Variants in SYNDIG1 observed in about 807,000 individuals in gnomAD.
SYNDIG1 encodes synapse differentiation-inducing gene protein 1.
In SYNDIG1, 9 loss-of-function variants were observed where a neutral mutation model predicts 19.4. That is an observed-to-expected ratio of 0.46 (90% confidence interval 0.28 to 0.81). The LOEUF (loss-of-function observed/expected upper bound fraction) is 0.81. SYNDIG1 is among the 30% of genes least tolerant of loss of function. The pLI, the probability that SYNDIG1 is intolerant of heterozygous loss-of-function variation, is 0.12. For missense variants in SYNDIG1, 311 were observed against 343.3 expected (o/e 0.91, Z 0.74); for synonymous variants, 141 against 145.9 (o/e 0.97, Z 0.24).
Position 24,531,607 on chromosome 20 carries a change from CTAT to C in SYNDIG1, c.-78-11410_-78-11408del, listed in dbSNP as rs1344138126. On this transcript the variant is annotated intron_variant, in intron 1 of 3. Transcript: ENST00000376862. ...AGCCAATTCCTCAGAGCAAAACCAT[CTAT>C]TAAACATTAGAGACAATTTTGAAAA... 4.7e-5 allele frequency among the ~76,000 whole-genome samples: 7 copies of C among 147,376 alleles called. No individual in the cohort carries two copies. In the East Asian group the frequency reaches 1.2e-3, roughly 26 times the overall value.
chr20:24,627,121 C>A (rs1325849192), intron 3 of SYNDIG1, among the ~76,000 whole-genome samples: 2 of 92,926 alleles, frequency 2.2e-5, no homozygotes, highest in East Asian at 4.6e-4. Context: ...AGAGGGGGAC[C>A]GTGGGGAGAG....
chr20:24,504,201 G>T (rs1404174286), intron 1 of SYNDIG1, among the ~76,000 whole-genome samples: 1 of 152,058 alleles, frequency 6.6e-6, no homozygotes, highest in African/African-American at 2.4e-5. Context: ...CTCGTGATCC[G>T]CCCGCCTCGG....
chr20:24,581,291 G>T (rs2058318431), intron 2 of SYNDIG1, among the ~76,000 whole-genome samples: 1 of 152,156 alleles, frequency 6.6e-6, no homozygotes, highest in African/African-American at 2.4e-5. Flanking sequence ...CAATGACAAT[G>T]AAGATAGTAA....
chr20:24,477,411 G>T (rs1174760898), intron 1 of SYNDIG1, among the ~76,000 whole-genome samples: 1 of 151,916 alleles, frequency 6.6e-6, no homozygotes, highest in African/African-American at 2.4e-5. Context: ...GCATCCCATT[G>T]ATTGTCTTCA....
intron 2 of SYNDIG1, among the ~76,000 whole-genome samples, chr20:24,562,463 A>T (rs751085878): frequency 3.3e-5 from 5 of 152,230 alleles, no homozygotes; most frequent in Non-Finnish European, 5.9e-5. Context: ...TAAATGTGTC[A>T]CTCAAGGCAT....
chr20:24,562,208 T>C (rs2146885977), intron 2 of SYNDIG1, among the ~76,000 whole-genome samples: 1 of 152,356 alleles, frequency 6.6e-6, no homozygotes, highest in Admixed American at 6.5e-5. Flanking sequence ...TTGCATCTCA[T>C]TTTGTGCTGC....
chr20:24,546,225 G>A (rs180700622), intron 2 of SYNDIG1, among the ~76,000 whole-genome samples: 47 of 152,326 alleles, frequency 3.1e-4, no homozygotes, highest in African/African-American at 6.3e-4. Flanking sequence ...AAATACTAAT[G>A]ACTGGTTAGA....
At chr20:24,482,662 C>T (rs2055832477) in intron 1 of SYNDIG1, among the ~76,000 whole-genome samples, 1 of 152,106 alleles carries the variant, frequency 6.6e-6, no homozygotes, top group Non-Finnish European at 1.5e-5. Flanking sequence ...AAACTAAATG[C>T]CTGTCAAAAG....
At chr20:24,475,172 T>G (rs1174916638) in intron 1 of SYNDIG1, among the ~76,000 whole-genome samples, 1 of 152,218 alleles carries the variant, frequency 6.6e-6, no homozygotes, top group Non-Finnish European at 1.5e-5. Context: ...GGGTCTGAGA[T>G]GCAGGAGTTT....
At chr20:24,483,285 C>T (rs1240075643) in intron 1 of SYNDIG1, among the ~76,000 whole-genome samples, 9 of 152,122 alleles carry the variant, frequency 5.9e-5, no homozygotes, top group Admixed American at 5.2e-4. Flanking sequence ...CAGGAGATGC[C>T]AGTACTGCCA....
intron 3 of SYNDIG1, among the ~76,000 whole-genome samples, chr20:24,589,585 C>T (rs968784453): frequency 6.6e-6 from 1 of 152,218 alleles, no homozygotes; most frequent in East Asian, 1.9e-4. Context: ...CAGATCCCTG[C>T]CCCCAAGGTG....
chr20:24,650,948 G>A (rs1296980347), intron 3 of SYNDIG1, among the ~76,000 whole-genome samples: 2 of 152,088 alleles, frequency 1.3e-5, no homozygotes, highest in Non-Finnish European at 2.9e-5. Flanking sequence ...CAATTCTCCT[G>A]AGTGAGCTTC....
At chr20:24,549,489 G>C (rs1054746595) in intron 2 of SYNDIG1, among the ~76,000 whole-genome samples, 1 of 152,186 alleles carries the variant, frequency 6.6e-6, no homozygotes, top group Non-Finnish European at 1.5e-5. Context: ...TGGTTCACCT[G>C]TTCTGTTGCT....
intron 3 of SYNDIG1, among the ~76,000 whole-genome samples, chr20:24,603,308 G>A (rs1218171264): frequency 6.6e-6 from 1 of 152,154 alleles, no homozygotes; most frequent in Non-Finnish European, 1.5e-5. Context: ...ACATGCCTTT[G>A]GCAGGGCTGT....
chr20:24,656,433 AC>A (rs1337125627), intron 3 of SYNDIG1, among the ~76,000 whole-genome samples: 1 of 152,058 alleles, frequency 6.6e-6, no homozygotes, highest in Non-Finnish European at 1.5e-5. Context: ...TGCATGCTGG[AC>A]CCCGTGGTGC....
rs1459583512 is a variant in SYNDIG1, at chr20:24,666,036, AC to A, written c.*533del. 3 of 158,706 alleles carry A rather than the reference AC, an allele frequency of 1.9e-5. No homozygotes were observed. Among genetic ancestry groups the A allele is most frequent in the Non-Finnish European group, 4.1e-5 (3 of 72,894 alleles). 9.8% of individuals were successfully genotyped at this position (158,706 alleles called of 1,614,324 possible). ...CCACGGCTGGCAGGAGCCCCGCTGC[AC>A]TGCTCTGCAGACCCATTGGCCTGAC... On this transcript the variant is annotated 3_prime_UTR_variant, in exon 4 of 4. Transcript: ENST00000376862.
intron 3 of SYNDIG1, among the ~76,000 whole-genome samples, chr20:24,636,486 G>T (rs1327758819): frequency 2.0e-5 from 3 of 152,114 alleles, no homozygotes; most frequent in Non-Finnish European, 4.4e-5. Flanking sequence ...ATTTACATAG[G>T]GCCCAAAGAT....
chr20:24,538,928 C>A (rs1050981199), intron 1 of SYNDIG1, among the ~76,000 whole-genome samples: 4 of 152,104 alleles, frequency 2.6e-5, no homozygotes, highest in African/African-American at 9.7e-5. Context: ...TATTCAAGAC[C>A]TTTGCCAGTT....
chr20:24,476,810 C>A (rs572780932), intron 1 of SYNDIG1, among the ~76,000 whole-genome samples: 1 of 152,278 alleles, frequency 6.6e-6, no homozygotes, highest in African/African-American at 2.4e-5. Flanking sequence ...GACCCTGCAG[C>A]CTGCAGCACA....
Sources: allele counts gnomAD v4.1 joint callset (sites outside exome capture counted in the v4.1 genomes callset), GRCh38; gene constraint gnomAD v4.1.1; transcripts MANE v1.5; gene names NCBI Gene and HGNC (gene_info 2026-07-23, HGNC 2026-07-21).